ZFP82: variants seen among roughly 807,000 people sequenced by gnomAD.
The protein encoded by ZFP82 is zinc finger protein 82 homolog.
In ZFP82, 30 loss-of-function variants were observed where a neutral mutation model predicts 54.0. That is an observed-to-expected ratio of 0.56 (90% CI 0.42 to 0.75). The LOEUF (loss-of-function observed/expected upper bound fraction) is 0.75. ZFP82 is among the 30% of genes least tolerant of loss of function. The probability of loss-of-function intolerance (pLI) is 0.00; values close to 1 mark genes in which losing one functional copy is unlikely to be tolerated. For missense variants in ZFP82, 500 were observed against 636.8 expected, an observed-to-expected ratio of 0.79 and a Z score of 2.31; for synonymous variants, 194 against 209.5, an observed-to-expected ratio of 0.93 and a Z score of 0.64.
intron 4 of ZFP82, among the ~76,000 whole-genome samples, chr19:36,401,611 A>G (rs540157523): frequency 3.9e-5 from 6 of 152,240 alleles, no homozygotes; most frequent in Non-Finnish European, 8.8e-5. Context: ...GTCTAACTCA[A>G]CAACTGAAAC....
At position 36,392,517 on chromosome 19, in the gene ZFP82, G is replaced by A; in HGVS notation, c.*224C>T. 2 of 482,944 alleles carry A rather than the reference G, an allele frequency of 4.1e-6. 1 individual carries two copies. The highest frequency in any genetic ancestry group is 7.5e-5 in the South Asian group (2 of 26,500). The allele number at this position is 482,944 out of a possible 1,614,324, so 29.9% of individuals were successfully genotyped here. ...TGTCCAGTATGACACAAAGTGATGG[G>A]ATAGGGATGACGGTAAATGTCTTTT... On this transcript the variant is annotated 3_prime_UTR_variant, in exon 5 of 5. Transcript: ENST00000392161.
downstream of ZFP82, chr19:36,384,144 A>G (rs2032090645): frequency 6.6e-6 from 1 of 152,106 alleles, no homozygotes; most frequent in African/African-American, 2.4e-5. Context: ...CCTTAGAGAA[A>G]CTCTTGCTTA....
intron 1 of ZFP82, among the ~76,000 whole-genome samples, chr19:36,414,200 C>T (rs911884904): frequency 7.3e-5 from 11 of 151,708 alleles, no homozygotes; most frequent in Non-Finnish European, 4.4e-5. Context: ...ACACTGGCTT[C>T]AATAATTTTC....
chr19:36,404,695 T>TAAC (rs2032449870), intron 4 of ZFP82, among the ~76,000 whole-genome samples: 2 of 152,260 alleles, frequency 1.3e-5, no homozygotes. Context: ...GTTGAATATG[T>TAAC]ATACTTGGCT....
At position 36,389,004 on chromosome 19, in the gene ZFP82, A is replaced by G. The variant is rs1032958427; in HGVS notation, c.*3737T>C. 6.6e-6 allele frequency among the ~76,000 whole-genome samples: 1 copy of G among 151,316 alleles called. No individual in the cohort carries two copies. Among genetic ancestry groups the G allele is most frequent in the Non-Finnish European group, 1.5e-5 (1 of 67,938 alleles). ...ATCTGTAGGCAACATGTGATCATTC[A>G]TCACTAAATAGTCTACAATTTCAGA... On this transcript the variant is annotated 3_prime_UTR_variant, in exon 5 of 5. Coordinates refer to ENST00000392161, the MANE Select transcript of ZFP82 (RefSeq NM_133466.4).
chr19:36,389,509 T>C lies in ZFP82; in HGVS notation c.*3232A>G, dbSNP rs957441681. 6.6e-6 allele frequency among the ~76,000 whole-genome samples: 1 copy of C among 152,188 alleles called. No individual in the cohort carries two copies. Among genetic ancestry groups the C allele is most frequent in the African/African-American group, 2.4e-5 (1 of 41,434 alleles). On this transcript the variant is annotated 3_prime_UTR_variant, in exon 5 of 5. Coordinates refer to ENST00000392161, the MANE Select transcript of ZFP82 (RefSeq NM_133466.4). ...CCTCCCACCTTTTGTTTTTAAGTAT[T>C]TAAAAGTAAATCACAGGCATAACAT...
rs2032204068 is a variant in ZFP82 at position 36,391,807 on chromosome 19, C to T, written c.*934G>A. On this transcript the variant is annotated 3_prime_UTR_variant, in exon 5 of 5. Transcript: ENST00000392161. The stretch of plus-strand genomic sequence containing the variant: ...TTAATGAACAAACTGGAAAGGAATT[C>T]CTTACTTTCAATATTTTAACGAGAA... The T allele has an allele frequency of 6.6e-6, 1 of 151,992 alleles. No individual in the cohort carries two copies. Among genetic ancestry groups the T allele is most frequent in the Admixed American group, 6.6e-5 (1 of 15,254 alleles). 9.4% of individuals were successfully genotyped at this position (151,992 alleles called of 1,614,324 possible).
At position 36,389,509 on chromosome 19, in the gene ZFP82, T is replaced by G. The variant is rs957441681; in HGVS notation, c.*3232A>C. On this transcript the variant is annotated 3_prime_UTR_variant, in exon 5 of 5. Transcript: ENST00000392161. ...CCTCCCACCTTTTGTTTTTAAGTAT[T>G]TAAAAGTAAATCACAGGCATAACAT... Among the ~76,000 whole-genome samples the G allele has an allele frequency of 2.6e-5, 4 of 152,188 alleles. No homozygotes were observed. Among genetic ancestry groups the G allele is most frequent in the African/African-American group, 9.7e-5 (4 of 41,434 alleles).
At chr19:36,411,192 T>TAAA (rs10640750) in intron 1 of ZFP82, among the ~76,000 whole-genome samples, 32 of 146,222 alleles carry the variant, frequency 2.2e-4, no homozygotes, top group Non-Finnish European at 3.2e-4. Context: ...AGACTCCATC[T>TAAA]AAAAAAAAAA....
intron 1 of ZFP82, among the ~76,000 whole-genome samples, chr19:36,417,379 C>T (rs759968081): frequency 1.3e-5 from 2 of 152,036 alleles, no homozygotes; most frequent in East Asian, 1.9e-4. Flanking sequence ...TACAGGCTCT[C>T]GGGAGGGGAC....
chr19:36,407,538 C>T (rs1289866893), intron 3 of ZFP82, among the ~76,000 whole-genome samples: 2 of 152,182 alleles, frequency 1.3e-5, no homozygotes, highest in Non-Finnish European at 2.9e-5. Context: ...TAAACAGGAT[C>T]TAGCTATTTC....
At chr19:36,385,740 T>C (rs1397458417), downstream of ZFP82, among the ~76,000 whole-genome samples, 1 of 152,218 alleles carries the variant, frequency 6.6e-6, no homozygotes, top group Non-Finnish European at 1.5e-5. Flanking sequence ...GCCATCCTTA[T>C]TAGAAATTAA....
chr19:36,393,422 A>G lies in ZFP82; in HGVS notation c.918T>C (p.Ala306=). The change falls in exon 5 of 5, where the codon GCT becomes GCC. Residue 306 remains alanine (A), a synonymous_variant. Transcript: ENST00000392161. ...ATTCTTTGCATTCATAGAGCCTGTC[A>G]GCACTATTAAGCTTCTGATGCCGAG... ...HLTRHQKLNS[A]DRLYECKECG... The G allele has an allele frequency of 1.9e-6, 3 of 1,614,106 alleles. No homozygotes were observed. Among genetic ancestry groups the G allele is most frequent in the African/African-American group, 2.7e-5 (2 of 75,034 alleles).
At chr19:36,400,847 T>C (rs1277161001) in intron 4 of ZFP82, among the ~76,000 whole-genome samples, 1 of 152,148 alleles carries the variant, frequency 6.6e-6, no homozygotes, top group African/African-American at 2.4e-5. Context: ...AGAGTTGTCT[T>C]ATACTCATTC....
chr19:36,413,325 C>T (rs776037954), intron 1 of ZFP82, among the ~76,000 whole-genome samples: 2 of 152,050 alleles, frequency 1.3e-5, no homozygotes, highest in Non-Finnish European at 2.9e-5. Flanking sequence ...GCAGGAGAAT[C>T]ACTTGAATCT....
In ZFP82 at chr19:36,393,933, C is replaced by A. The variant is rs2032251960; in HGVS notation, c.407G>T (p.Gly136Val). ...TGGCATTTTCACACTACTGAAGTATCCTTCTTGAGGTCTCTCCTGTCCTTC... is the reference window on the plus strand; with the variant it reads ...TGGCATTTTCACACTACTGAAGTATACTTCTTGAGGTCTCTCCTGTCCTTC... Reference protein sequence around the residue: ...KIEGQERPQEGYFSSVKMPSE... With the variant: ...KIEGQERPQEVYFSSVKMPSE... The change falls in exon 5 of 5, where the codon GGA (glycine) becomes GTA (valine). Residue 136 changes from glycine to valine, a missense_variant. Coordinates refer to ENST00000392161, the MANE Select transcript of ZFP82 (RefSeq NM_133466.4). The A allele has an allele frequency of 6.2e-7, 1 of 1,614,008 alleles. No individual in the cohort carries two copies. The highest frequency in any genetic ancestry group is 8.5e-7 in the Non-Finnish European group (1 of 1,180,028).
rs2032197951 is a variant in ZFP82, at chr19:36,391,471, A to AAACAAT, written c.*1269_*1270insATTGTT. ...ACTGGGGCCAGAGAATACTGATTGT[A>AAACAAT]GTTTTTTTTTTTTTTTGAGACAGGG... On this transcript the variant is annotated 3_prime_UTR_variant, in exon 5 of 5. Coordinates refer to ENST00000392161, the MANE Select transcript of ZFP82 (RefSeq NM_133466.4). 1 of 139,392 alleles carries AAACAAT rather than the reference A, an allele frequency of 7.2e-6. No individual in the cohort carries two copies. Among genetic ancestry groups the AAACAAT allele is most frequent in the African/African-American group, 2.7e-5 (1 of 37,156 alleles). 8.6% of individuals were successfully genotyped at this position (139,392 alleles called of 1,614,324 possible).
Position 36,407,744 on chromosome 19 carries a change from A to C in ZFP82, c.136+143T>G, listed in dbSNP as rs61562069. ...GTGCTTAATGAAGGTGCTCACTTCC[A>C]ATGAAATAAAGCTCAAAGTGTTCCC... On this transcript the variant is annotated intron_variant, in intron 3 of 4. Transcript: ENST00000392161. 2.2e-4 allele frequency: 177 copies of C among 820,240 alleles called. No individual in the cohort carries two copies. In the African/African-American group the frequency reaches 2.8e-3, roughly 13 times the overall value. The allele number at this position is 820,240 out of a possible 1,614,324, so 50.8% of individuals were successfully genotyped here. A position where few individuals can be genotyped will look rare whatever the true frequency, so the allele number is the denominator to read the frequency against.
At chr19:36,384,717 A>C (rs2032097099), downstream of ZFP82, among the ~76,000 whole-genome samples, 1 of 152,216 alleles carries the variant, frequency 6.6e-6, no homozygotes, top group South Asian at 2.1e-4. Context: ...TAATGTGAAA[A>C]TGTTACCTAA....
Sources: allele counts gnomAD v4.1 joint callset (sites outside exome capture counted in the v4.1 genomes callset), GRCh38; gene constraint gnomAD v4.1.1; transcripts MANE v1.5; gene names NCBI Gene and HGNC (gene_info 2026-07-23, HGNC 2026-07-21).